GALNT18: variants seen among roughly 807,000 people sequenced by gnomAD.
GALNT18 encodes the protein GalNAc-transferase 18.
GALNT18 carries 44 observed loss-of-function variants against 69.5 expected under a neutral mutation model. That is an observed-to-expected ratio of 0.63 (90% confidence interval 0.50 to 0.81). The LOEUF is 0.81. Among genes scored for constraint, GALNT18 ranks in the 40% least tolerant of loss-of-function variants. GALNT18 has a pLI of 0.00. For missense variants in GALNT18, 715 were observed against 810.0 expected, an observed-to-expected ratio of 0.88 and a Z score of 1.42; for synonymous variants, 364 against 318.2, an observed-to-expected ratio of 1.14 and a Z score of -1.53.
chr11:11,538,078 T>C lies in GALNT18; in HGVS notation c.235+83281A>G, dbSNP rs1857825297. Reference sequence around the variant, plus strand: ...TTTTACTAATCTTATTTATGTTAACTCTTATCACACCTCTGTGCTGGAGTT... The same window carrying C: ...TTTTACTAATCTTATTTATGTTAACCCTTATCACACCTCTGTGCTGGAGTT... On this transcript the variant is annotated intron_variant, in intron 1 of 10. Coordinates refer to ENST00000227756, the MANE Select transcript of GALNT18 (RefSeq NM_198516.3). The surrounding 1 kb of genome is among the most constrained non-coding windows in gnomAD (Gnocchi z 5.2). 6.6e-6 allele frequency among the ~76,000 whole-genome samples: 1 copy of C among 152,236 alleles called. No individual in the cohort carries two copies. The highest frequency in any genetic ancestry group is 1.5e-5 in the Non-Finnish European group (1 of 68,044).
intron 9 of GALNT18, among the ~76,000 whole-genome samples, chr11:11,321,727 C>T (rs777858935): frequency 2.6e-5 from 4 of 152,176 alleles, no homozygotes; most frequent in East Asian, 1.9e-4. Context: ...CTCAGCCTTC[C>T]GAGTAGCTGG....
intron 10 of GALNT18, among the ~76,000 whole-genome samples, chr11:11,280,453 A>C (rs1849047977): frequency 6.6e-6 from 1 of 151,100 alleles, no homozygotes; most frequent in South Asian, 2.1e-4. Flanking sequence ...GTCTTCCCCC[A>C]GCTGCCCACC....
intron 9 of GALNT18, among the ~76,000 whole-genome samples, chr11:11,296,036 G>A (rs1849394646): frequency 6.6e-6 from 1 of 152,080 alleles, no homozygotes; most frequent in African/African-American, 2.4e-5. Flanking sequence ...GGGAGAACTT[G>A]GCAACTGGTA....
At chr11:11,502,469 A>G (rs966430059) in intron 1 of GALNT18, among the ~76,000 whole-genome samples, 1 of 152,242 alleles carries the variant, frequency 6.6e-6, no homozygotes, top group Non-Finnish European at 1.5e-5. Flanking sequence ...GCGCAAAGGA[A>G]AACAGGTAGA....
chr11:11,407,093 G>A (rs1854605581), intron 3 of GALNT18, among the ~76,000 whole-genome samples: 1 of 152,222 alleles, frequency 6.6e-6, no homozygotes, highest in African/African-American at 2.4e-5. Flanking sequence ...TGAGCCTAAT[G>A]GATTTAAACC....
At chr11:11,554,216 C>A (rs1345943191) in intron 1 of GALNT18, among the ~76,000 whole-genome samples, 1 of 152,162 alleles carries the variant, frequency 6.6e-6, no homozygotes, top group African/African-American at 2.4e-5. Context: ...TGGCTGTGAC[C>A]TCCTAGTCCT....
At position 11,497,620 on chromosome 11, in the gene GALNT18, A is replaced by G. The variant is rs1856893369; in HGVS notation, c.236-48684T>C. ...AGGCATGGCACCAAATAAGCACCAA[A>G]CACACAGTATTTCCAGTAACAACTC... On this transcript the variant is annotated intron_variant, in intron 1 of 10. Coordinates refer to ENST00000227756, the MANE Select transcript of GALNT18 (RefSeq NM_198516.3). The surrounding 1 kb of genome is among the most constrained non-coding windows in gnomAD (Gnocchi z 4.2). Among the ~76,000 whole-genome samples the G allele has an allele frequency of 6.6e-6, 1 of 152,180 alleles. No individual in the cohort carries two copies. The highest frequency in any genetic ancestry group is 1.5e-5 in the Non-Finnish European group (1 of 68,022).
At chr11:11,406,876 G>C (rs1489333263) in intron 3 of GALNT18, among the ~76,000 whole-genome samples, 1 of 152,204 alleles carries the variant, frequency 6.6e-6, no homozygotes, top group Non-Finnish European at 1.5e-5. Context: ...GAAAGCCCAA[G>C]GCCTTGCCCC....
rs1291425585 is a variant in GALNT18, at chr11:11,621,309, G to A, written c.235+50C>T. On this transcript the variant is annotated intron_variant, in intron 1 of 10. Transcript: ENST00000227756. This position sits in a 1 kb window ranked among gnomAD's most constrained non-coding sequence, Gnocchi z 9.3. ...AGCCCCAGCGCACCCCGCGCCGCGC[G>A]GGGCACTCCCGGGCCTCATGGGCGA... is the stretch of plus-strand genomic sequence containing the variant. The A allele has an allele frequency of 6.6e-7, 1 of 1,506,906 alleles. No individual in the cohort carries two copies. The highest frequency in any genetic ancestry group is 9.1e-7 in the Non-Finnish European group (1 of 1,092,926). The allele number at this position is 1,506,906 out of a possible 1,614,324, so 93.3% of individuals were successfully genotyped here.
At chr11:11,485,565 C>T (rs1362639904) in intron 1 of GALNT18, among the ~76,000 whole-genome samples, 4 of 152,154 alleles carry the variant, frequency 2.6e-5, no homozygotes, top group Non-Finnish European at 5.9e-5. Flanking sequence ...TCACAATGGC[C>T]AGACACAATT....
At chr11:11,447,857 C>G (rs1337684756) in intron 2 of GALNT18, among the ~76,000 whole-genome samples, 1 of 152,190 alleles carries the variant, frequency 6.6e-6, no homozygotes, top group Non-Finnish European at 1.5e-5. Flanking sequence ...GGTGGAGACA[C>G]AGCCAAACCG....
At chr11:11,303,685 T>C (rs1454599301) in intron 9 of GALNT18, among the ~76,000 whole-genome samples, 1 of 152,146 alleles carries the variant, frequency 6.6e-6, no homozygotes, top group Non-Finnish European at 1.5e-5. Context: ...AGGCCACCTT[T>C]CAGTGCAGCA....
chr11:11,427,531 A>T (rs1033922161), intron 3 of GALNT18, among the ~76,000 whole-genome samples: 1 of 152,116 alleles, frequency 6.6e-6, no homozygotes, highest in Non-Finnish European at 1.5e-5. Flanking sequence ...AAACACCAAC[A>T]TCCCTTCCAT....
chr11:11,489,225 G>C (rs1437949373), intron 1 of GALNT18, among the ~76,000 whole-genome samples: 1 of 152,194 alleles, frequency 6.6e-6, no homozygotes, highest in Non-Finnish European at 1.5e-5. Flanking sequence ...GCATTATTAT[G>C]ACAGTGAAAT....
intron 1 of GALNT18, among the ~76,000 whole-genome samples, chr11:11,561,793 C>A (rs1221201026): frequency 6.6e-6 from 1 of 152,128 alleles, no homozygotes; most frequent in Non-Finnish European, 1.5e-5. Context: ...TTGGGCAGAG[C>A]CAACAAGGGG....
At chr11:11,477,071 AT>A (rs1262092696) in intron 1 of GALNT18, among the ~76,000 whole-genome samples, 6 of 152,304 alleles carry the variant, frequency 3.9e-5, no homozygotes, top group Middle Eastern at 3.4e-3. Flanking sequence ...CACCTACAGA[AT>A]AGATTTGGGT....
At chr11:11,453,487 A>C (rs1257383492) in intron 1 of GALNT18, among the ~76,000 whole-genome samples, 2 of 152,114 alleles carry the variant, frequency 1.3e-5, no homozygotes, top group African/African-American at 4.8e-5. Context: ...TCACTTTCTC[A>C]GCAAACCCTA....
Position 11,470,734 on chromosome 11 carries a change from T to C in GALNT18, c.236-21798A>G, listed in dbSNP as rs1268922699. On this transcript the variant is annotated intron_variant, in intron 1 of 10. Transcript: ENST00000227756. The surrounding 1 kb of genome is among the most constrained non-coding windows in gnomAD (Gnocchi z 4.8). The stretch of plus-strand genomic sequence containing the variant: ...CTTCCAGAGAGCTTCTTCCTGCCCC[T>C]GTGAGCCCTGTGCTGGGCAGCATCT... Among the ~76,000 whole-genome samples, 1 of 152,076 alleles carries C rather than the reference T, an allele frequency of 6.6e-6. No homozygotes were observed. Among genetic ancestry groups the C allele is most frequent in the Non-Finnish European group, 1.5e-5 (1 of 68,008 alleles).
At chr11:11,585,985 AAGAG>A (rs1203180249) in intron 1 of GALNT18, among the ~76,000 whole-genome samples, 1 of 152,014 alleles carries the variant, frequency 6.6e-6, no homozygotes. Flanking sequence ...ATCCTTACGA[AAGAG>A]AGCCCAGAGA....
Sources: allele counts gnomAD v4.1 joint callset (sites outside exome capture counted in the v4.1 genomes callset), GRCh38; gene constraint gnomAD v4.1.1; non-coding constraint Gnocchi (gnomAD v3.1); transcripts MANE v1.5; gene names NCBI Gene and HGNC (gene_info 2026-07-23, HGNC 2026-07-21).